Variants in LRRC4C observed in about 807,000 individuals in gnomAD.
The protein encoded by LRRC4C is leucine rich repeat containing 4C.
A neutral mutation model predicts 33.6 loss-of-function variants in LRRC4C; 5 were observed. The ratio of observed to expected loss-of-function variants is 0.15; its 90% CI spans 0.08 to 0.31. LRRC4C has a LOEUF of 0.31. Ranked by LOEUF, LRRC4C falls within the 10% of genes least tolerant of loss-of-function variation. The pLI is 1.00. For synonymous variants in LRRC4C, 329 were observed against 302.0 expected, an observed-to-expected ratio of 1.09 and a Z score of -0.93; for missense variants, 560 against 796.7, an observed-to-expected ratio of 0.70 and a Z score of 3.58.
At chr11:40,830,082 A>G (rs7948586) in intron 2 of LRRC4C, among the ~76,000 whole-genome samples, 138,963 of 151,966 alleles carry the variant, frequency 0.91, 63,684 homozygotes, top group East Asian at 1. Context: ...GTATGTTTAG[A>G]GGCCTTAAGG....
At chr11:40,199,893 T>A (rs1447100404) in intron 5 of LRRC4C, among the ~76,000 whole-genome samples, 1 of 152,102 alleles carries the variant, frequency 6.6e-6, no homozygotes, top group Non-Finnish European at 1.5e-5. Flanking sequence ...AAGTAGGTGT[T>A]ATGTTCCACG....
At chr11:40,426,803 A>T (rs553340428) in intron 3 of LRRC4C, among the ~76,000 whole-genome samples, 2 of 152,334 alleles carry the variant, frequency 1.3e-5, no homozygotes, top group African/African-American at 4.8e-5. Context: ...GACACATATA[A>T]GGAATGTTTT....
intron 1 of LRRC4C, among the ~76,000 whole-genome samples, chr11:40,935,460 T>G (rs1957830122): frequency 6.6e-6 from 1 of 152,120 alleles, no homozygotes; most frequent in South Asian, 2.1e-4. Flanking sequence ...GGTGGTCTCA[T>G]AAGATTATAA....
At chr11:40,854,647 G>A (rs140513582) in intron 2 of LRRC4C, among the ~76,000 whole-genome samples, 6 of 150,862 alleles carry the variant, frequency 4.0e-5, no homozygotes, top group African/African-American at 1.2e-4. Context: ...GCTACCCTTG[G>A]CAAACCTGCA....
chr11:41,210,430 A>T (rs1946776528), intron 1 of LRRC4C, among the ~76,000 whole-genome samples: 1 of 152,076 alleles, frequency 6.6e-6, no homozygotes, highest in Non-Finnish European at 1.5e-5. Context: ...GCCACCATGT[A>T]AGACATGGCT....
intron 2 of LRRC4C, among the ~76,000 whole-genome samples, chr11:40,696,760 A>G (rs1285625428): frequency 7.0e-6 from 1 of 141,998 alleles, no homozygotes; most frequent in Non-Finnish European, 1.5e-5. Context: ...ATATATATAT[A>G]TATATATATA....
intron 1 of LRRC4C, among the ~76,000 whole-genome samples, chr11:41,186,814 C>T (rs1362444564): frequency 6.6e-6 from 1 of 152,084 alleles, no homozygotes; most frequent in Admixed American, 6.6e-5. Context: ...ATTTTGATAC[C>T]GTTTAGGTAG....
intron 4 of LRRC4C, among the ~76,000 whole-genome samples, chr11:40,313,131 T>A (rs1188451923): frequency 6.6e-6 from 1 of 152,130 alleles, no homozygotes; most frequent in African/African-American, 2.4e-5. Context: ...ACAACTCACA[T>A]TCTTTTTGTT....
chr11:40,258,365 T>C (rs1043828295), intron 4 of LRRC4C, among the ~76,000 whole-genome samples: 13 of 152,218 alleles, frequency 8.5e-5, no homozygotes, highest in Non-Finnish European at 1.5e-4. Context: ...TTTTTCAATT[T>C]TCTCAGTATG....
chr11:40,991,204 TAAAAA>T (rs1186155913), intron 1 of LRRC4C, among the ~76,000 whole-genome samples: 1 of 103,326 alleles, frequency 9.7e-6, no homozygotes, highest in African/African-American at 3.8e-5. Context: ...TCCCAATATG[TAAAAA>T]AAAAAAAAAA....
chr11:40,698,431 A>G (rs1043550392), intron 2 of LRRC4C, among the ~76,000 whole-genome samples: 3 of 152,098 alleles, frequency 2.0e-5, no homozygotes, highest in African/African-American at 7.2e-5. Flanking sequence ...TCTGGTCAAG[A>G]CAGAGTCAAT....
intron 1 of LRRC4C, among the ~76,000 whole-genome samples, chr11:41,101,191 T>C (rs376675008): frequency 1.3e-5 from 2 of 151,958 alleles, no homozygotes; most frequent in East Asian, 3.9e-4. Flanking sequence ...CACAGCAAAA[T>C]AAACTACCAA....
intron 1 of LRRC4C, among the ~76,000 whole-genome samples, chr11:41,102,563 T>A (rs1199174017): frequency 6.6e-6 from 1 of 152,058 alleles, no homozygotes; most frequent in East Asian, 1.9e-4. Context: ...ACGTAAACCA[T>A]GAGAAAGTAG....
chr11:41,042,602 A>G (rs1376411315), intron 1 of LRRC4C, among the ~76,000 whole-genome samples: 1 of 151,942 alleles, frequency 6.6e-6, no homozygotes, highest in Non-Finnish European at 1.5e-5. Flanking sequence ...CTTCTATCTA[A>G]TATTTTTTCT....
intron 2 of LRRC4C, among the ~76,000 whole-genome samples, chr11:40,859,637 A>G (rs1953975313): frequency 6.6e-6 from 1 of 152,156 alleles, no homozygotes; most frequent in African/African-American, 2.4e-5. Flanking sequence ...AAAGAGAAAA[A>G]AAATTTGTAC....
intron 1 of LRRC4C, among the ~76,000 whole-genome samples, chr11:41,029,128 CTAAGA>C (rs966739315): frequency 8.6e-5 from 13 of 151,812 alleles, no homozygotes; most frequent in African/African-American, 2.7e-4. Context: ...TTTTTAGTAG[CTAAGA>C]TATTTCCCAA....
At chr11:40,898,448 G>A (rs113122921) in intron 2 of LRRC4C, among the ~76,000 whole-genome samples, 11 of 151,040 alleles carry the variant, frequency 7.3e-5, no homozygotes, top group African/African-American at 2.7e-4. Flanking sequence ...AAGACCAGTT[G>A]TGCCTGAGAT....
chr11:40,995,483 A>T lies in LRRC4C; in HGVS notation c.-495-61760T>A, dbSNP rs1853904458. Among the ~76,000 whole-genome samples the T allele has an allele frequency of 2.0e-5, 3 of 152,076 alleles. No individual in the cohort carries two copies. In the South Asian group the frequency reaches 6.2e-4, roughly 31 times the overall value. Reference sequence around the variant, plus strand: ...TTTCCACCCATTTGCTCAAGCAAAGATCCTAGGAGATATCTTTCATCCTTT... The same window carrying T: ...TTTCCACCCATTTGCTCAAGCAAAGTTCCTAGGAGATATCTTTCATCCTTT... On this transcript the variant is annotated intron_variant, in intron 1 of 6. Coordinates refer to ENST00000528697, the MANE Select transcript of LRRC4C (RefSeq NM_001258419.2).
intron 3 of LRRC4C, among the ~76,000 whole-genome samples, chr11:40,434,529 G>A (rs1951066906): frequency 1.3e-5 from 2 of 152,210 alleles, no homozygotes; most frequent in Admixed American, 1.3e-4. Context: ...CTTTCGGGAA[G>A]ACTAAAAATC....
Sources: allele counts gnomAD v4.1 joint callset (sites outside exome capture counted in the v4.1 genomes callset), GRCh38; gene constraint gnomAD v4.1.1; transcripts MANE v1.5; gene names NCBI Gene and HGNC (gene_info 2026-07-23, HGNC 2026-07-21).